SERINC3: variants seen among roughly 807,000 people sequenced by gnomAD.
SERINC3 encodes tumor differentially expressed protein 1.
In SERINC3, 22 loss-of-function variants were observed where a neutral mutation model predicts 52.1. The ratio of observed to expected loss-of-function variants is 0.42; its 90% CI spans 0.30 to 0.60. SERINC3 has a LOEUF of 0.60. Among genes scored for constraint, SERINC3 ranks in the 20% least tolerant of loss-of-function variants. The pLI is 0.16. For missense variants in SERINC3, 564 were observed against 584.6 expected, an observed-to-expected ratio of 0.96 and a Z score of 0.36; for synonymous variants, 226 against 212.7, an observed-to-expected ratio of 1.06 and a Z score of -0.54.
Position 44,504,860 on chromosome 20 carries a change from G to A in SERINC3, c.815C>T (p.Ser272Phe). ...EHQPRSGLLQ[S>F]SLITLYTMYL... ...CATAGTGTAGAGGGTGATGAGGGAG[G>A]ACTGCAAGAGGCCGGAGCGAGGCTG... The change falls in exon 7 of 10, where the codon TCC becomes TTC. Residue 272 changes from serine (S) to phenylalanine (F), a missense_variant. Ser to Phe is a radical substitution (Grantham distance 155). Transcript: ENST00000342374. 6.2e-7 allele frequency: 1 copy of A among 1,613,312 alleles called. No homozygotes were observed. The highest frequency in any genetic ancestry group is 1.1e-5 in the South Asian group (1 of 91,006).
At chr20:44,509,758 G>C (rs1312440390) in intron 5 of SERINC3, 133 bp downstream of exon 5, 1 of 985,336 alleles carries the variant, frequency 1.0e-6, no homozygotes, top group Non-Finnish European at 1.5e-6. Flanking sequence ...TTGAACTCCT[G>C]GATTCAAGCC....
intron 1 of SERINC3, among the ~76,000 whole-genome samples, chr20:44,517,979 G>A (rs1555830894): frequency 1.3e-5 from 2 of 152,060 alleles, no homozygotes; most frequent in South Asian, 2.1e-4. Flanking sequence ...GAGTCATCCC[G>A]AATGCCTTCC....
intron 7 of SERINC3, 105 bp downstream of exon 7, chr20:44,504,696 T>C: frequency 2.2e-6 from 2 of 917,920 alleles, no homozygotes; most frequent in Non-Finnish European, 3.4e-6. Context: ...AAGTTTTGTT[T>C]GCTTGTTTCA....
At chr20:44,510,324 A>G (rs1252964768) in intron 4 of SERINC3, among the ~76,000 whole-genome samples, 1 of 152,244 alleles carries the variant, frequency 6.6e-6, no homozygotes, top group Non-Finnish European at 1.5e-5. Flanking sequence ...ACCTGATGCC[A>G]TGCTTAGGAA....
At chr20:44,512,717 T>C in intron 3 of SERINC3, 84 bp downstream of exon 3, 1 of 1,071,568 alleles carries the variant, frequency 9.3e-7, no homozygotes, top group Middle Eastern at 2.1e-4. Context: ...ATTCCATTGA[T>C]TTCATCAGAA....
At chr20:44,517,131 AC>A (rs2123070618) in intron 1 of SERINC3, among the ~76,000 whole-genome samples, 1 of 152,316 alleles carries the variant, frequency 6.6e-6, no homozygotes, top group Admixed American at 6.5e-5. Context: ...TGAGCATAAT[AC>A]CACCTACTCG....
rs769534314 is a variant in SERINC3 at position 44,504,013 on chromosome 20, T to G, written c.875-18A>C. 6.4e-7 allele frequency: 1 copy of G among 1,568,902 alleles called. No individual in the cohort carries two copies. The highest frequency in any genetic ancestry group is 8.6e-7 in the Non-Finnish European group (1 of 1,165,714). ...GGAACGATCTGAAAATGAGAAAATT[T>G]GTATTATCCTTGGTTACAGCTCATC... On this transcript the variant is annotated intron_variant, in intron 7 of 9. Coordinates refer to ENST00000342374, the MANE Select transcript of SERINC3 (RefSeq NM_006811.4).
chr20:44,521,908 C>T lies in SERINC3; in HGVS notation c.39+5G>A. ...TCCGGCGAGGACTCGGGACCCCGAA[C>T]TCACCCAGCTGGCGAGGGAGAAGAC... On this transcript the variant is annotated splice_donor_5th_base_variant and intron_variant, in intron 1 of 9. Transcript: ENST00000342374. 1 of 1,609,040 alleles carries T rather than the reference C, an allele frequency of 6.2e-7. No homozygotes were observed. The highest frequency in any genetic ancestry group is 8.5e-7 in the Non-Finnish European group (1 of 1,177,946).
At chr20:44,516,318 C>G (rs542384908) in intron 1 of SERINC3, among the ~76,000 whole-genome samples, 6 of 152,096 alleles carry the variant, frequency 3.9e-5, no homozygotes, top group African/African-American at 1.4e-4. Flanking sequence ...AAAGAGTAAC[C>G]TAGATCTTTA....
rs761449520 is a variant in SERINC3 at position 44,500,310 on chromosome 20, G to C, written c.1408C>G (p.Arg470Gly). The C allele has an allele frequency of 1.2e-6, 2 of 1,611,590 alleles. No homozygotes were observed. Among genetic ancestry groups the C allele is most frequent in the Non-Finnish European group, 8.5e-7 (1 of 1,179,092 alleles). Residue 470 changes from arginine to glycine, a missense_variant, in exon 10 of 10, where the codon CGG becomes GGG. Transcript: ENST00000342374. ...TLVAPLVLTS[R>G]DFS The stretch of plus-strand genomic sequence containing the variant: ...CACTCAGAGGTTCAGCTGAAGTCCC[G>C]ACTGGTGAGGACAAGTGGAGCCACA...
intron 1 of SERINC3, among the ~76,000 whole-genome samples, chr20:44,520,582 A>G (rs1448904347): frequency 6.6e-6 from 1 of 152,152 alleles, no homozygotes; most frequent in Non-Finnish European, 1.5e-5. Flanking sequence ...GATGGCAACA[A>G]TAAACACTGG....
At chr20:44,511,220 G>A (rs1287845977) in intron 4 of SERINC3, 69 bp downstream of exon 4, 4 of 1,165,912 alleles carry the variant, frequency 3.4e-6, no homozygotes, top group Non-Finnish European at 5.1e-6. Flanking sequence ...GGCCTAAAAT[G>A]TAGCTTTAAC....
Position 44,505,645 on chromosome 20 carries a change from C to T in SERINC3, c.784-754G>A, listed in dbSNP as rs1358103286. The stretch of plus-strand genomic sequence containing the variant: ...TGGAGTTTCGCTCTTATTGCCCAGG[C>T]TGGAGTGCAATGGCGCAATCTCAGC... On this transcript the variant is annotated intron_variant, in intron 6 of 9. Transcript: ENST00000342374. Among the ~76,000 whole-genome samples, 5 of 151,116 alleles carry T rather than the reference C, an allele frequency of 3.3e-5. No homozygotes were observed. The East Asian group carries it at 9.9e-4, about 30-fold the overall frequency.
At position 44,509,994 on chromosome 20, in the gene SERINC3, G is replaced by C; in HGVS notation, c.510C>G (p.Leu170=). The C allele has an allele frequency of 6.2e-7, 1 of 1,614,152 alleles. No homozygotes were observed. The highest frequency in any genetic ancestry group is 1.3e-5 in the African/African-American group (1 of 75,054). Residue 170 remains leucine (L), a synonymous_variant, in exon 5 of 10, where the codon CTC becomes CTG. Coordinates refer to ENST00000342374, the MANE Select transcript of SERINC3 (RefSeq NM_006811.4). ...WFVVGMIGAA[L]FILIQLVLLV... ...GCAGCACCAGCTGAATGAGGATGAAGAGGGCGGCCCCTATCATGCCAACAA... is the reference window on the plus strand; with the variant it reads ...GCAGCACCAGCTGAATGAGGATGAACAGGGCGGCCCCTATCATGCCAACAA...
rs1485565755 is a variant in SERINC3 at position 44,497,792 on chromosome 20, CCT to C, written c.*2502_*2503del. Reference sequence around the variant, plus strand: ...TAACTGAGCCTGTCCCCTCTGTGTTCCTCTGTCTAATTCTGTAACAAAATCTG... The same window carrying C: ...TAACTGAGCCTGTCCCCTCTGTGTTCCTGTCTAATTCTGTAACAAAATCTG... On this transcript the variant is annotated 3_prime_UTR_variant, in exon 10 of 10. Coordinates refer to ENST00000342374, the MANE Select transcript of SERINC3 (RefSeq NM_006811.4). 26 of 152,206 alleles carry C rather than the reference CCT, an allele frequency of 1.7e-4. No homozygotes were observed. Among genetic ancestry groups the C allele is most frequent in the Admixed American group, 6.5e-5 (1 of 15,270 alleles). 9.4% of individuals were successfully genotyped at this position (152,206 alleles called of 1,614,324 possible).
Position 44,501,116 on chromosome 20 carries a change from A to G in SERINC3, c.1240T>C (p.Leu414=). 6.2e-7 allele frequency: 1 copy of G among 1,614,116 alleles called. No individual in the cohort carries two copies. Among genetic ancestry groups the G allele is most frequent in the Non-Finnish European group, 8.5e-7 (1 of 1,180,016 alleles). Residue 414 remains leucine (L), a synonymous_variant, in exon 9 of 10, where the codon TTG becomes CTG. Transcript: ENST00000342374. Reference sequence around the variant, plus strand: ...GTCATCATGATGTACAAGGAAGCCAAGCAGAGCATGAGGTGGAATAAGGAG... The same window carrying G: ...GTCATCATGATGTACAAGGAAGCCAGGCAGAGCATGAGGTGGAATAAGGAG... The part of the protein sequence containing the change: ...SYSLFHLMLC[L]ASLYIMMTLT...
chr20:44,513,856 T>C (rs901161519), intron 2 of SERINC3, 23 bp downstream of exon 2: 1 of 1,558,068 alleles, frequency 6.4e-7, no homozygotes, highest in Non-Finnish European at 8.7e-7. Context: ...AACCAATACC[T>C]TAAGGGCACT....
rs1172811348 is a variant in SERINC3, at chr20:44,497,802, A to C, written c.*2494T>G. 1 of 152,128 alleles carries C rather than the reference A, an allele frequency of 6.6e-6. No individual in the cohort carries two copies. The highest frequency in any genetic ancestry group is 1.5e-5 in the Non-Finnish European group (1 of 68,040). 9.4% of individuals were successfully genotyped at this position (152,128 alleles called of 1,614,324 possible). A position where few individuals can be genotyped will look rare whatever the true frequency, so the allele number is the denominator to read the frequency against. ...TGTCCCCTCTGTGTTCCTCTGTCTA[A>C]TTCTGTAACAAAATCTGAAATCCAG... On this transcript the variant is annotated 3_prime_UTR_variant, in exon 10 of 10. Transcript: ENST00000342374.
intron 3 of SERINC3, among the ~76,000 whole-genome samples, chr20:44,512,487 A>G (rs553881991): frequency 6.6e-6 from 1 of 152,294 alleles, no homozygotes; most frequent in African/African-American, 2.4e-5. Flanking sequence ...CAACAGAAAG[A>G]AAAAAGTGTG....
Sources: allele counts gnomAD v4.1 joint callset (sites outside exome capture counted in the v4.1 genomes callset), GRCh38; gene constraint gnomAD v4.1.1; transcripts MANE v1.5; gene names NCBI Gene and HGNC (gene_info 2026-07-23, HGNC 2026-07-21).